Variants in LYPD6B observed in about 807,000 individuals in gnomAD.
The protein encoded by LYPD6B is ly6/PLAUR domain-containing protein 6B.
Under a neutral mutation model 22.8 loss-of-function variants are expected in LYPD6B, and 17 were observed. That is an observed-to-expected ratio of 0.75 (90% CI 0.51 to 1.12). The LOEUF is 1.12. LYPD6B is among the 50% of genes most tolerant of loss of function. The pLI is 0.00. For synonymous variants in LYPD6B, 106 were observed against 91.6 expected, an observed-to-expected ratio of 1.16 and a Z score of -0.90; for missense variants, 221 against 258.3, an observed-to-expected ratio of 0.86 and a Z score of 0.99.
At chr2:149,090,448 ATTCTT>A (rs1474320095) in intron 1 of LYPD6B, among the ~76,000 whole-genome samples, 2 of 152,286 alleles carry the variant, frequency 1.3e-5, no homozygotes, top group South Asian at 4.1e-4. Flanking sequence ...CCATTTTAGA[ATTCTT>A]TTCTTTGGGC....
intron 1 of LYPD6B, among the ~76,000 whole-genome samples, chr2:149,040,039 CTT>C (rs1682999424): frequency 6.6e-6 from 1 of 152,120 alleles, no homozygotes; most frequent in South Asian, 2.1e-4. Flanking sequence ...AGTTCTCTCT[CTT>C]GTATATCTTA....
chr2:149,168,530 G>A (rs12987381), intron 3 of LYPD6B, among the ~76,000 whole-genome samples: 42,022 of 152,082 alleles, frequency 0.28, 7,144 homozygotes, highest in East Asian at 0.55. Flanking sequence ...AATACGACAA[G>A]CCCATGCCTG....
chr2:149,171,442 T>C (rs1690812171), intron 3 of LYPD6B, among the ~76,000 whole-genome samples: 1 of 152,130 alleles, frequency 6.6e-6, no homozygotes, highest in Non-Finnish European at 1.5e-5. Flanking sequence ...GTCTGCAAAA[T>C]TCCCCTTCCC....
At chr2:149,121,875 CAA>C (rs1485657028) in intron 1 of LYPD6B, among the ~76,000 whole-genome samples, 1 of 152,266 alleles carries the variant, frequency 6.6e-6, no homozygotes, top group Admixed American at 6.5e-5. Flanking sequence ...AGAACCCAAC[CAA>C]AAGTCACCTG....
intron 3 of LYPD6B, among the ~76,000 whole-genome samples, chr2:149,197,916 T>C (rs1692918302): frequency 6.6e-6 from 1 of 152,202 alleles, no homozygotes; most frequent in Non-Finnish European, 1.5e-5. Context: ...GACTCTCAAA[T>C]GTGATCAACG....
intron 2 of LYPD6B, among the ~76,000 whole-genome samples, chr2:149,144,815 A>C (rs1688914943): frequency 6.6e-6 from 1 of 152,188 alleles, no homozygotes; most frequent in African/African-American, 2.4e-5. Context: ...ACAAACATTT[A>C]ATGGCTTTTC....
chr2:149,124,487 C>T (rs1425358229), intron 1 of LYPD6B, among the ~76,000 whole-genome samples: 6 of 152,132 alleles, frequency 3.9e-5, no homozygotes, highest in Non-Finnish European at 7.4e-5. Context: ...CACGATACAA[C>T]GAACAGGTGT....
intron 2 of LYPD6B, among the ~76,000 whole-genome samples, chr2:149,146,660 T>A (rs1175708437): frequency 6.6e-6 from 1 of 151,776 alleles, no homozygotes; most frequent in Non-Finnish European, 1.5e-5. Flanking sequence ...ACCCTCTCAG[T>A]TTAGACAGTC....
At chr2:149,195,690 T>C (rs1452057799) in intron 3 of LYPD6B, among the ~76,000 whole-genome samples, 1 of 152,232 alleles carries the variant, frequency 6.6e-6, no homozygotes, top group African/African-American at 2.4e-5. Flanking sequence ...TCAGCTATTG[T>C]ATGGCCTTAA....
At chr2:149,184,741 C>G (rs1230162100) in intron 3 of LYPD6B, among the ~76,000 whole-genome samples, 1 of 152,186 alleles carries the variant, frequency 6.6e-6, no homozygotes, top group Non-Finnish European at 1.5e-5. Context: ...GTCATACAGA[C>G]TTGTCACCTC....
intron 1 of LYPD6B, among the ~76,000 whole-genome samples, chr2:149,106,532 T>G (rs1686479696): frequency 6.6e-6 from 1 of 152,184 alleles, no homozygotes; most frequent in Non-Finnish European, 1.5e-5. Context: ...TATTTTTATA[T>G]TTAATCTATG....
chr2:149,073,153 G>T (rs890874885), intron 1 of LYPD6B, among the ~76,000 whole-genome samples: 2 of 152,170 alleles, frequency 1.3e-5, no homozygotes, highest in African/African-American at 4.8e-5. Context: ...AGAGTTTTTT[G>T]AGTAGAATGG....
intron 2 of LYPD6B, among the ~76,000 whole-genome samples, chr2:149,158,455 C>T (rs1052693847): frequency 6.6e-5 from 10 of 152,012 alleles, no homozygotes; most frequent in Admixed American, 1.3e-4. Flanking sequence ...ATTTATATGA[C>T]GTACCTAGAA....
At chr2:149,172,225 C>G (rs1002199884) in intron 3 of LYPD6B, among the ~76,000 whole-genome samples, 5 of 152,200 alleles carry the variant, frequency 3.3e-5, no homozygotes, top group African/African-American at 1.2e-4. Context: ...TGAGAATTCA[C>G]TCACTATCAC....
At chr2:149,138,209 T>C (rs767366416) in intron 2 of LYPD6B, among the ~76,000 whole-genome samples, 4 of 152,220 alleles carry the variant, frequency 2.6e-5, no homozygotes, top group Non-Finnish European at 4.4e-5. Context: ...ACTCTTGTCA[T>C]TGGTAAATAT....
chr2:149,187,513 G>A, intron 3 of LYPD6B: 2 of 1,500,518 alleles, frequency 1.3e-6, no homozygotes, highest in Non-Finnish European at 1.8e-6. Flanking sequence ...CTGAATATTG[G>A]AAAGTAAGAT....
chr2:149,077,744 G>A (rs1288389249), intron 1 of LYPD6B: 3 of 152,196 alleles, frequency 2.0e-5, no homozygotes, highest in South Asian at 4.1e-4. Flanking sequence ...AGCACAGTGA[G>A]CCAGCTCTGA....
chr2:149,191,024 T>A (rs1692453985), intron 3 of LYPD6B, among the ~76,000 whole-genome samples: 1 of 152,150 alleles, frequency 6.6e-6, no homozygotes, highest in African/African-American at 2.4e-5. Flanking sequence ...AAATACATTT[T>A]ATCATGAACA....
intron 3 of LYPD6B, among the ~76,000 whole-genome samples, chr2:149,187,880 G>A (rs988215580): frequency 2.0e-5 from 3 of 152,156 alleles, no homozygotes; most frequent in Non-Finnish European, 4.4e-5. Context: ...GGTATAAATT[G>A]GATTATTTTA....
Sources: gnomAD v4.1 joint callset for allele counts (sites outside exome capture counted in the v4.1 genomes callset) on GRCh38, gnomAD v4.1.1 for gene constraint, MANE v1.5 for transcripts, NCBI Gene and HGNC (gene_info 2026-07-23, HGNC 2026-07-21) for gene names.